NKAIN2: variants seen among roughly 807,000 people sequenced by gnomAD.
NKAIN2 encodes the protein sodium/potassium-transporting ATPase subunit beta-1-interacting protein 2.
In NKAIN2, 14 loss-of-function variants were observed where a neutral mutation model predicts 32.6. That is an observed-to-expected ratio of 0.43 (90% CI 0.28 to 0.67). The LOEUF (loss-of-function observed/expected upper bound fraction) is 0.67, where lower values mean the gene tolerates loss of function less well. Among genes scored for constraint, NKAIN2 ranks in the 30% least tolerant of loss-of-function variants. The pLI, the probability that NKAIN2 is intolerant of heterozygous loss-of-function variation, is 0.17. For missense variants in NKAIN2, 198 were observed against 258.3 expected, an observed-to-expected ratio of 0.77 and a Z score of 1.60; for synonymous variants, 80 against 87.2, an observed-to-expected ratio of 0.92 and a Z score of 0.46.
rs181633817 is a variant in NKAIN2, at chr6:124,114,860, T to A, written c.55-168145T>A. On this transcript the variant is annotated intron_variant, in intron 1 of 6. Transcript: ENST00000368417. ...GGGATGCTTGAAGCTATAATTATAT[T>A]CAGTTCTAGTTATTAGTAATGTAAA... Among the ~76,000 whole-genome samples, 7 of 152,226 alleles carry A rather than the reference T, an allele frequency of 4.6e-5. No individual in the cohort carries two copies. The East Asian group carries it at 1.4e-3, about 29-fold the overall frequency.
intron 1 of NKAIN2, among the ~76,000 whole-genome samples, chr6:124,251,560 G>T (rs1793692218): frequency 6.6e-6 from 1 of 151,896 alleles, no homozygotes; most frequent in South Asian, 2.1e-4. Flanking sequence ...TTTTACAAAA[G>T]AGGAAATCAA....
chr6:123,910,050 A>G (rs1183014287), intron 1 of NKAIN2, among the ~76,000 whole-genome samples: 1 of 152,204 alleles, frequency 6.6e-6, no homozygotes, highest in African/African-American at 2.4e-5. Context: ...AGAGATTTAG[A>G]ATACATGGTT....
intron 1 of NKAIN2, among the ~76,000 whole-genome samples, chr6:124,038,199 T>A (rs1036919299): frequency 1.5e-4 from 23 of 152,046 alleles, no homozygotes; most frequent in African/African-American, 5.6e-4. Context: ...TAAAATATGG[T>A]GCGTGATTTA....
chr6:124,240,321 G>A (rs1159039170), intron 1 of NKAIN2, among the ~76,000 whole-genome samples: 3 of 152,148 alleles, frequency 2.0e-5, no homozygotes, highest in South Asian at 2.1e-4. Flanking sequence ...GAGGTACAAA[G>A]AGAAGCTGGT....
At chr6:123,873,304 A>G (rs1454740746) in intron 1 of NKAIN2, among the ~76,000 whole-genome samples, 1 of 151,868 alleles carries the variant, frequency 6.6e-6, no homozygotes, top group East Asian at 1.9e-4. Context: ...ACTCTGGTGC[A>G]AAGAGAGGGA....
chr6:123,914,939 G>T (rs1207643178), intron 1 of NKAIN2, among the ~76,000 whole-genome samples: 2 of 152,136 alleles, frequency 1.3e-5, no homozygotes, highest in Admixed American at 6.6e-5. Context: ...CCTCACAAGG[G>T]AGCCTGCATT....
chr6:124,283,701 G>A lies in NKAIN2; in HGVS notation c.192+559G>A, dbSNP rs116906643. On this transcript the variant is annotated intron_variant, in intron 2 of 6. Coordinates refer to ENST00000368417, the MANE Select transcript of NKAIN2 (RefSeq NM_001040214.3). ...CAAGTTAAACTTACTTAACATAAAA[G>A]TGAAATCCAACTGTGTTTCAGTTAC... is the stretch of plus-strand genomic sequence containing the variant. Among the ~76,000 whole-genome samples the A allele has an allele frequency of 2.6e-4, 39 of 152,218 alleles. No homozygotes were observed. In the East Asian group the frequency reaches 5.6e-3, roughly 22 times the overall value.
chr6:124,260,599 G>C (rs1027259677), intron 1 of NKAIN2, among the ~76,000 whole-genome samples: 1 of 152,054 alleles, frequency 6.6e-6, no homozygotes, highest in Non-Finnish European at 1.5e-5. Context: ...AGAGAAGGGG[G>C]TGGTGAGACA....
intron 1 of NKAIN2, among the ~76,000 whole-genome samples, chr6:123,810,067 A>G (rs1773392520): frequency 6.6e-6 from 1 of 152,082 alleles, no homozygotes; most frequent in Non-Finnish European, 1.5e-5. Context: ...TTGGCTAAAT[A>G]TGTTTTTTTT....
intron 3 of NKAIN2, among the ~76,000 whole-genome samples, chr6:124,384,670 G>T (rs894340632): frequency 5.5e-5 from 8 of 145,098 alleles, no homozygotes; most frequent in African/African-American, 1.9e-4. Context: ...ACCTATGCTG[G>T]AGTGCAGTGG....
chr6:124,351,287 G>A lies in NKAIN2; in HGVS notation c.193-3980G>A, dbSNP rs572261192. ...ATGAGAAGTTTGAGAGGCTGAGGCA[G>A]GCAGATAGCTTGAGCCCAGGAGTTT... On this transcript the variant is annotated intron_variant, in intron 2 of 6. Transcript: ENST00000368417. Among the ~76,000 whole-genome samples the A allele has an allele frequency of 8.5e-5, 13 of 152,120 alleles. No individual in the cohort carries two copies. The East Asian group carries it at 2.3e-3, about 27-fold the overall frequency.
At chr6:124,397,644 TAAA>T in intron 3 of NKAIN2, among the ~76,000 whole-genome samples, 1 of 151,246 alleles carries the variant, frequency 6.6e-6, no homozygotes, top group South Asian at 2.1e-4. Flanking sequence ...AAAAAGAATT[TAAA>T]AAAAAACTGT....
At chr6:124,116,758 C>T (rs1785637372) in intron 1 of NKAIN2, among the ~76,000 whole-genome samples, 1 of 151,992 alleles carries the variant, frequency 6.6e-6, no homozygotes, top group Non-Finnish European at 1.5e-5. Context: ...TTTCTAATTA[C>T]TGAATGCCGG....
intron 1 of NKAIN2, among the ~76,000 whole-genome samples, chr6:124,092,220 T>G (rs942131412): frequency 2.0e-5 from 3 of 152,074 alleles, no homozygotes; most frequent in African/African-American, 7.2e-5. Flanking sequence ...GGCGTTTTTT[T>G]GTCAGGGGTT....
intron 4 of NKAIN2, among the ~76,000 whole-genome samples, chr6:124,718,080 G>T (rs1321092185): frequency 6.6e-6 from 1 of 152,002 alleles, no homozygotes; most frequent in Admixed American, 6.6e-5. Flanking sequence ...TCTTACCAAG[G>T]TATAATTCCA....
intron 3 of NKAIN2, among the ~76,000 whole-genome samples, chr6:124,503,564 G>T (rs1447166821): frequency 1.3e-5 from 2 of 152,232 alleles, no homozygotes; most frequent in East Asian, 3.9e-4. Context: ...TAGATAGGAA[G>T]GGGTTCATTA....
intron 3 of NKAIN2, among the ~76,000 whole-genome samples, chr6:124,527,310 T>C (rs1318753859): frequency 2.0e-5 from 3 of 152,188 alleles, no homozygotes; most frequent in Non-Finnish European, 4.4e-5. Flanking sequence ...AGGAAAAATA[T>C]TATTTCACCC....
intron 3 of NKAIN2, among the ~76,000 whole-genome samples, chr6:124,366,101 C>T (rs970378162): frequency 3.3e-5 from 5 of 151,998 alleles, no homozygotes; most frequent in African/African-American, 1.2e-4. Flanking sequence ...AATGAAACTT[C>T]TCTAAAGTGA....
At chr6:124,279,811 A>G (rs970177052) in intron 1 of NKAIN2, among the ~76,000 whole-genome samples, 5 of 152,152 alleles carry the variant, frequency 3.3e-5, no homozygotes, top group African/African-American at 1.2e-4. Flanking sequence ...CATCACATTC[A>G]TTGTATAAAA....
Sources: gnomAD v4.1 joint callset for allele counts (sites outside exome capture counted in the v4.1 genomes callset) on GRCh38, gnomAD v4.1.1 for gene constraint, MANE v1.5 for transcripts, NCBI Gene and HGNC (gene_info 2026-07-23, HGNC 2026-07-21) for gene names.